DLGAP2: variants seen among roughly 807,000 people sequenced by gnomAD.
The protein encoded by DLGAP2 is DLG associated protein 2, also known as disks large-associated protein 2.
A neutral mutation model predicts 100.3 loss-of-function variants in DLGAP2; 26 were observed. The ratio of observed to expected loss-of-function variants is 0.26; its 90% CI spans 0.19 to 0.36. The LOEUF (loss-of-function observed/expected upper bound fraction) is 0.36. Among genes scored for constraint, DLGAP2 ranks in the 10% least tolerant of loss-of-function variants. The pLI is 1.00. For missense variants in DLGAP2, 1,858 were observed against 1,453.2 expected (o/e 1.28, Z -4.53); for synonymous variants, 886 against 630.1 (o/e 1.41, Z -6.08).
chr8:1,250,260 G>A (rs1048342121), intron 2 of DLGAP2: 6 of 152,218 alleles, frequency 3.9e-5, no homozygotes, highest in Admixed American at 1.3e-4. Context: ...TTCAGGACGT[G>A]ACAATGGCGA....
intron 8 of DLGAP2, among the ~76,000 whole-genome samples, chr8:1,648,908 GA>G (rs1273745210): frequency 6.6e-6 from 1 of 152,120 alleles, no homozygotes; most frequent in African/African-American, 2.4e-5. Flanking sequence ...GAATTGTGGG[GA>G]AAACCTACAA....
At chr8:1,450,704 C>T (rs1798135068) in intron 3 of DLGAP2, among the ~76,000 whole-genome samples, 1 of 152,070 alleles carries the variant, frequency 6.6e-6, no homozygotes, top group Non-Finnish European at 1.5e-5. Context: ...TCCCCAGGGC[C>T]TTGGGATGAG....
intron 4 of DLGAP2, among the ~76,000 whole-genome samples, chr8:1,529,547 A>G (rs1800915200): frequency 6.6e-6 from 1 of 152,218 alleles, no homozygotes. Flanking sequence ...CACCAAAAAT[A>G]TTAATTACCC....
chr8:1,182,031 C>T (rs1797399714), intron 2 of DLGAP2, among the ~76,000 whole-genome samples: 1 of 152,226 alleles, frequency 6.6e-6, no homozygotes, highest in Non-Finnish European at 1.5e-5. Context: ...TGGGAGGTTG[C>T]AGCCTCTGTG....
intron 1 of DLGAP2, among the ~76,000 whole-genome samples, chr8:861,969 G>A (rs1310604437): frequency 1.3e-5 from 2 of 152,212 alleles, no homozygotes; most frequent in Admixed American, 6.5e-5. Flanking sequence ...AGGCACTTAT[G>A]CATAAATTCT....
chr8:1,199,673 T>C (rs1474330875), intron 2 of DLGAP2, among the ~76,000 whole-genome samples: 3 of 152,098 alleles, frequency 2.0e-5, no homozygotes, highest in African/African-American at 7.2e-5. Context: ...AATCCCACTT[T>C]CTGATGGAGA....
chr8:1,490,315 G>A (rs750065487), intron 3 of DLGAP2, among the ~76,000 whole-genome samples: 15 of 152,198 alleles, frequency 9.9e-5, no homozygotes, highest in South Asian at 4.1e-4. Context: ...AGCACCTTAC[G>A]TGCGGGGTTG....
chr8:1,555,266 C>A (rs1314497680), intron 5 of DLGAP2, among the ~76,000 whole-genome samples: 1 of 152,182 alleles, frequency 6.6e-6, no homozygotes, highest in East Asian at 1.9e-4. Context: ...TGCACTGACA[C>A]CCAGCCACCA....
intron 5 of DLGAP2, among the ~76,000 whole-genome samples, chr8:1,561,472 T>G (rs1261355241): frequency 6.6e-6 from 1 of 152,110 alleles, no homozygotes; most frequent in Non-Finnish European, 1.5e-5. Flanking sequence ...GTCCTGAGCC[T>G]TTGGGCCTCT....
At chr8:1,553,905 C>T (rs74351876) in intron 5 of DLGAP2, among the ~76,000 whole-genome samples, 1 of 152,214 alleles carries the variant, frequency 6.6e-6, no homozygotes, top group Non-Finnish European at 1.5e-5. Context: ...AACAGGTCAT[C>T]CTTGCGGTGT....
At chr8:1,087,073 A>G in intron 2 of DLGAP2, among the ~76,000 whole-genome samples, 1 of 152,242 alleles carries the variant, frequency 6.6e-6, no homozygotes, top group East Asian at 1.9e-4. Context: ...GACCACAATG[A>G]TATGAAACTA....
chr8:782,603 G>T (rs1326489989), intron 1 of DLGAP2, among the ~76,000 whole-genome samples: 1 of 152,146 alleles, frequency 6.6e-6, no homozygotes, highest in African/African-American at 2.4e-5. Flanking sequence ...TATTGCTATG[G>T]CAGATTCAAA....
intron 3 of DLGAP2, among the ~76,000 whole-genome samples, chr8:1,493,103 C>T (rs908821460): frequency 1.3e-5 from 2 of 152,332 alleles, no homozygotes; most frequent in South Asian, 4.1e-4. Flanking sequence ...CACAAGGTGA[C>T]AACGAGCTCA....
At chr8:1,637,980 T>C (rs1480884894) in intron 8 of DLGAP2, among the ~76,000 whole-genome samples, 2 of 152,274 alleles carry the variant, frequency 1.3e-5, no homozygotes, top group Non-Finnish European at 2.9e-5. Flanking sequence ...CCTGAAGTAA[T>C]GACAAACGTC....
chr8:902,445 G>C (rs1468752123), intron 1 of DLGAP2, among the ~76,000 whole-genome samples: 1 of 149,492 alleles, frequency 6.7e-6, no homozygotes, highest in African/African-American at 2.5e-5. Flanking sequence ...GGGGGGTCCA[G>C]GCGTGTGCAA....
Position 1,703,726 on chromosome 8 carries a change from A to G in DLGAP2, c.*2320A>G, listed in dbSNP as rs1158984649. The G allele has an allele frequency of 6.6e-6, 1 of 152,242 alleles. No individual in the cohort carries two copies. Among genetic ancestry groups the G allele is most frequent in the East Asian group, 1.9e-4 (1 of 5,204 alleles). The allele number at this position is 152,242 out of a possible 1,614,324, so 9.4% of individuals were successfully genotyped here. A position where few individuals can be genotyped will look rare whatever the true frequency, so the allele number is the denominator to read the frequency against. ...TTTGTCTCAGATCCCAGATTCTATG[A>G]TCCCTGCTTAAAAGAAAATGTTCAC... On this transcript the variant is annotated 3_prime_UTR_variant, in exon 15 of 15. Coordinates refer to ENST00000637795, the MANE Select transcript of DLGAP2 (RefSeq NM_001346810.2).
chr8:1,154,876 A>G (rs1187889896), intron 2 of DLGAP2, among the ~76,000 whole-genome samples: 1 of 152,078 alleles, frequency 6.6e-6, no homozygotes, highest in African/African-American at 2.4e-5. Context: ...TCCACCCTCC[A>G]GTGTCTGCTA....
rs1265199178 is a variant in DLGAP2, at chr8:949,040, C to G, written c.73+41074C>G. Among the ~76,000 whole-genome samples, 5 of 145,592 alleles carry G rather than the reference C, an allele frequency of 3.4e-5. No homozygotes were observed. In the East Asian group the frequency reaches 1.0e-3, roughly 30 times the overall value. On this transcript the variant is annotated intron_variant, in intron 2 of 14. Transcript: ENST00000637795. ...TGGCTGCCGCCATCTTGAGGGGACG[C>G]CAGGGTGGGAGCAGGGCCCGTGGGC...
At chr8:767,562 G>T (rs1329994601) in intron 1 of DLGAP2, among the ~76,000 whole-genome samples, 1 of 151,966 alleles carries the variant, frequency 6.6e-6, no homozygotes, top group Non-Finnish European at 1.5e-5. Context: ...TCACCATGTT[G>T]GCCAGGCTGG....
Sources: gnomAD v4.1 joint callset for allele counts (sites outside exome capture counted in the v4.1 genomes callset) on GRCh38, gnomAD v4.1.1 for gene constraint, MANE v1.5 for transcripts, NCBI Gene and HGNC (gene_info 2026-07-23, HGNC 2026-07-21) for gene names.